The following PRR16 variants were observed in gnomAD, a reference collection of about 807,000 sequenced individuals.
PRR16 encodes the protein proline rich 16, also known as protein Largen.
In PRR16, 6 loss-of-function variants were observed where a neutral mutation model predicts 18.2. That is an observed-to-expected ratio of 0.33 (90% CI 0.18 to 0.65). The LOEUF (loss-of-function observed/expected upper bound fraction) is 0.65, where lower values mean the gene tolerates loss of function less well. Ranked by LOEUF, PRR16 falls within the 30% of genes least tolerant of loss-of-function variation. The pLI is 0.74. For missense variants in PRR16, 412 were observed against 376.6 expected (o/e 1.09, Z -0.78); for synonymous variants, 151 against 147.8 (o/e 1.02, Z -0.16).
intron 1 of PRR16, among the ~76,000 whole-genome samples, chr5:120,516,666 A>G (rs569268280): frequency 2.0e-5 from 3 of 152,286 alleles, no homozygotes; most frequent in East Asian, 3.9e-4. Flanking sequence ...TGGTTATGTC[A>G]GGCTCTAATC....
At chr5:120,655,325 G>T (rs1047347622) in intron 1 of PRR16, among the ~76,000 whole-genome samples, 1 of 148,378 alleles carries the variant, frequency 6.7e-6, no homozygotes, top group African/African-American at 2.5e-5. Context: ...AATGTATAAT[G>T]TTAGCAAGAA....
At chr5:120,630,661 C>T (rs73256068) in intron 1 of PRR16, among the ~76,000 whole-genome samples, 9,565 of 152,082 alleles carry the variant, frequency 0.063, 1,040 homozygotes, top group African/African-American at 0.22. Flanking sequence ...CCTGCCTACC[C>T]GCTAACAGAT....
chr5:120,714,070 C>G, the PRR16 span, among the ~76,000 whole-genome samples: 6 of 150,078 alleles, frequency 4.0e-5, 1 homozygote, highest in East Asian at 1.2e-3. Flanking sequence ...AATGTAATGT[C>G]TTTTTTTTTA....
chr5:120,674,437 A>G (rs747618704), intron 1 of PRR16, among the ~76,000 whole-genome samples: 1 of 151,852 alleles, frequency 6.6e-6, no homozygotes, highest in Non-Finnish European at 1.5e-5. Context: ...TTACTTTTAC[A>G]AAAGATTATT....
chr5:120,664,540 T>C (rs1002723774), intron 1 of PRR16, among the ~76,000 whole-genome samples: 36 of 151,888 alleles, frequency 2.4e-4, no homozygotes, highest in Middle Eastern at 3.4e-3. Flanking sequence ...ATGTGTCCTG[T>C]TGGTGTGCTG....
intron 1 of PRR16, among the ~76,000 whole-genome samples, chr5:120,580,160 A>G (rs1363495864): frequency 1.3e-5 from 2 of 152,178 alleles, no homozygotes; most frequent in Non-Finnish European, 2.9e-5. Context: ...TAAATATAAA[A>G]TCATGTCATC....
At chr5:120,727,785 T>C in the PRR16 span, among the ~76,000 whole-genome samples, 221 of 152,184 alleles carry the variant, frequency 1.5e-3, no homozygotes, top group African/African-American at 4.9e-3. Flanking sequence ...ATGTAACATA[T>C]TCATGTTAAA....
the PRR16 span, among the ~76,000 whole-genome samples, chr5:120,714,648 C>T: frequency 6.6e-6 from 1 of 152,008 alleles, no homozygotes; most frequent in Admixed American, 6.6e-5. Context: ...CATATATACC[C>T]AAAGGAATAT....
chr5:120,538,770 T>C (rs1751812316), intron 1 of PRR16, among the ~76,000 whole-genome samples: 1 of 152,198 alleles, frequency 6.6e-6, no homozygotes, highest in South Asian at 2.1e-4. Flanking sequence ...AATCTTGTTC[T>C]TTAAGGTATC....
Position 120,686,376 on chromosome 5 carries a change from C to G in PRR16, c.582C>G (p.Asp194Glu). Reference protein sequence around the residue: ...VQLLMHRPEKDRCPQAGPRER... With the variant: ...VQLLMHRPEKERCPQAGPRER... The stretch of plus-strand genomic sequence containing the variant: ...TTCTGATGCATAGACCTGAAAAAGA[C>G]AGATGTCCCCAGGCAGGGCCTCGAG... The change falls in exon 2 of 2, where the codon GAC becomes GAG. Residue 194 changes from aspartate to glutamate, a missense_variant. By Grantham distance (45) the Asp-to-Glu change is conservative. Coordinates refer to ENST00000407149, the MANE Select transcript of PRR16 (RefSeq NM_001300783.2). 1 of 1,614,156 alleles carries G rather than the reference C, an allele frequency of 6.2e-7. No homozygotes were observed. The highest frequency in any genetic ancestry group is 8.5e-7 in the Non-Finnish European group (1 of 1,180,016).
chr5:120,754,635 T>TA, the PRR16 span, among the ~76,000 whole-genome samples: 1 of 113,038 alleles, frequency 8.8e-6, no homozygotes, highest in African/African-American at 3.5e-5. Context: ...ATATATAATA[T>TA]ATAAAGTATT....
chr5:120,644,112 G>A (rs753032137), intron 1 of PRR16, among the ~76,000 whole-genome samples: 3 of 152,036 alleles, frequency 2.0e-5, no homozygotes, highest in Admixed American at 6.6e-5. Context: ...TCTCTTACTA[G>A]CTGTGTGAGT....
the PRR16 span, among the ~76,000 whole-genome samples, chr5:120,713,848 G>A: frequency 1.3e-5 from 2 of 152,028 alleles, no homozygotes; most frequent in Non-Finnish European, 2.9e-5. Context: ...AACATATTTA[G>A]AGTGCCATGA....
chr5:120,577,252 T>C (rs1561554518), intron 1 of PRR16, among the ~76,000 whole-genome samples: 1 of 152,158 alleles, frequency 6.6e-6, no homozygotes, highest in African/African-American at 2.4e-5. Context: ...GTATTTTATC[T>C]GACATGTCCT....
At chr5:120,692,353 G>C in the PRR16 span, among the ~76,000 whole-genome samples, 3 of 152,132 alleles carry the variant, frequency 2.0e-5, no homozygotes, top group African/African-American at 7.2e-5. Context: ...CTTTAGAGCA[G>C]GAGTCTCACA....
At chr5:120,489,942 T>C (rs1749965544) in intron 1 of PRR16, among the ~76,000 whole-genome samples, 2 of 152,210 alleles carry the variant, frequency 1.3e-5, no homozygotes, top group African/African-American at 4.8e-5. Context: ...AAATTCTGGG[T>C]TGAAAATTCT....
chr5:120,745,669 G>C, the PRR16 span, among the ~76,000 whole-genome samples: 1 of 149,640 alleles, frequency 6.7e-6, no homozygotes, highest in Non-Finnish European at 1.5e-5. Flanking sequence ...TTTTGTTTTA[G>C]CCTTGTATTT....
the PRR16 span, among the ~76,000 whole-genome samples, chr5:120,785,575 G>GTT: frequency 1.7e-5 from 2 of 115,390 alleles, no homozygotes; most frequent in Non-Finnish European, 3.5e-5. Flanking sequence ...TGTTGTTGTT[G>GTT]TTTTTTTTTT....
intron 1 of PRR16, among the ~76,000 whole-genome samples, chr5:120,586,094 A>G (rs542080718): frequency 6.6e-6 from 1 of 152,054 alleles, no homozygotes; most frequent in East Asian, 1.9e-4. Context: ...AATCATGTGA[A>G]CCAGGGAGGT....
Sources: gnomAD v4.1 joint callset for allele counts (sites outside exome capture counted in the v4.1 genomes callset) on GRCh38, gnomAD v4.1.1 for gene constraint, MANE v1.5 for transcripts, NCBI Gene and HGNC (gene_info 2026-07-23, HGNC 2026-07-21) for gene names.